Variants in MARCHF1 observed in about 807,000 individuals in gnomAD.
The protein encoded by MARCHF1 is membrane associated ring-CH-type finger 1, also known as E3 ubiquitin-protein ligase MARCHF1.
A neutral mutation model predicts 54.2 loss-of-function variants in MARCHF1; 40 were observed. That is an observed-to-expected ratio of 0.74 (90% CI 0.57 to 0.96). The LOEUF is 0.96. MARCHF1 is among the 40% of genes least tolerant of loss of function. MARCHF1 has a pLI of 0.00. For missense variants in MARCHF1, 586 were observed against 656.5 expected (o/e 0.89, Z 1.17); for synonymous variants, 236 against 236.3 (o/e 1.00, Z 0.01).
At chr4:164,273,195 C>G (rs1272748936) in intron 1 of MARCHF1, among the ~76,000 whole-genome samples, 1 of 151,874 alleles carries the variant, frequency 6.6e-6, no homozygotes, top group Non-Finnish European at 1.5e-5. Flanking sequence ...CTTGGGAGGC[C>G]ACAGGAAATC....
intron 5 of MARCHF1, among the ~76,000 whole-genome samples, chr4:163,657,399 G>T (rs1239204803): frequency 1.3e-5 from 2 of 152,022 alleles, no homozygotes; most frequent in Non-Finnish European, 2.9e-5. Flanking sequence ...ACTGCTCAAG[G>T]AAATAAGAGA....
intron 8 of MARCHF1, among the ~76,000 whole-genome samples, chr4:163,564,039 C>T (rs2110986238): frequency 6.6e-6 from 1 of 152,306 alleles, no homozygotes; most frequent in East Asian, 1.9e-4. Context: ...ATCTTCCCAC[C>T]TAACTACATA....
At chr4:164,296,765 A>C (rs1172063383) in intron 1 of MARCHF1, among the ~76,000 whole-genome samples, 1 of 152,200 alleles carries the variant, frequency 6.6e-6, no homozygotes, top group Non-Finnish European at 1.5e-5. Context: ...CATCACTTGT[A>C]ATATGGTTTC....
At chr4:164,248,224 G>C (rs1371080976) in intron 1 of MARCHF1, among the ~76,000 whole-genome samples, 1 of 151,912 alleles carries the variant, frequency 6.6e-6, no homozygotes, top group African/African-American at 2.4e-5. Context: ...TTCTCGAGCT[G>C]GTTATGTGGT....
chr4:164,166,448 C>A (rs1373842763), intron 1 of MARCHF1, among the ~76,000 whole-genome samples: 3 of 151,944 alleles, frequency 2.0e-5, no homozygotes, highest in South Asian at 2.1e-4. Context: ...AGTGCAGCAT[C>A]CTTTCTTGAT....
intron 4 of MARCHF1, among the ~76,000 whole-genome samples, chr4:163,794,591 G>T (rs752853693): frequency 2.0e-5 from 3 of 151,994 alleles, no homozygotes; most frequent in Non-Finnish European, 4.4e-5. Flanking sequence ...GATGGTGGGG[G>T]GTCACAGGGC....
intron 7 of MARCHF1, among the ~76,000 whole-genome samples, chr4:163,589,258 T>G (rs1237384575): frequency 6.6e-6 from 1 of 152,150 alleles, no homozygotes; most frequent in Admixed American, 6.6e-5. Flanking sequence ...CAAAGTGACC[T>G]GACCAGTTTA....
At chr4:164,360,533 T>C (rs1730694074) in intron 1 of MARCHF1, among the ~76,000 whole-genome samples, 1 of 152,164 alleles carries the variant, frequency 6.6e-6, no homozygotes, top group Admixed American at 6.5e-5. Flanking sequence ...ATTCCAACAG[T>C]GTTTTATGAA....
In MARCHF1 at chr4:164,340,405, T is replaced by TTTTATATATATATATATATATATA. The variant is rs1327005165; in HGVS notation, c.-323+43464_-323+43465insTATATATATATATATATATATAAA. 5.4e-3 allele frequency among the ~76,000 whole-genome samples: 517 copies of TTTTATATATATATATATATATATA among 95,472 alleles called. 57 individuals are homozygous for TTTTATATATATATATATATATATA. Among genetic ancestry groups the TTTTATATATATATATATATATATA allele is most frequent in the Middle Eastern group, 9.6e-3 (2 of 208 alleles). 62.6% of individuals were successfully genotyped at this position (95,472 alleles called of 152,430 possible). On this transcript the variant is annotated intron_variant, in intron 1 of 9. Coordinates refer to ENST00000514618, the MANE Select transcript of MARCHF1 (RefSeq NM_001394959.1). ...ACAGCACATGCCACCAGGCCTTGAT[T>TTTTATATATATATATATATATATA]TATATATAGATATATATATATATAT... is the stretch of plus-strand genomic sequence containing the variant.
chr4:163,841,771 C>A lies in MARCHF1; in HGVS notation c.111+12250G>T, dbSNP rs914655743. ...ATGACAATGTGTCTGTGGAAGCTGA[C>A]AATTCGGTAACTGCAGTGTGAAAAG... On this transcript the variant is annotated intron_variant, in intron 4 of 9. Transcript: ENST00000514618. Among the ~76,000 whole-genome samples, 68 of 152,068 alleles carry A rather than the reference C, an allele frequency of 4.5e-4. 1 individual carries two copies. The highest frequency in any genetic ancestry group is 3.9e-3 in the Admixed American group (60 of 15,242).
intron 8 of MARCHF1, among the ~76,000 whole-genome samples, chr4:163,549,076 T>C (rs2110931220): frequency 6.6e-6 from 1 of 152,234 alleles, no homozygotes; most frequent in East Asian, 1.9e-4. Flanking sequence ...AGGTTGTTCC[T>C]GAGAAGATCC....
intron 3 of MARCHF1, among the ~76,000 whole-genome samples, chr4:163,872,453 A>T (rs776960715): frequency 2.6e-5 from 4 of 152,234 alleles, no homozygotes; most frequent in Non-Finnish European, 2.9e-5. Context: ...CTCATGTGAG[A>T]AATTTGAAAA....
intron 2 of MARCHF1, among the ~76,000 whole-genome samples, chr4:164,107,293 C>T (rs1018825536): frequency 2.0e-5 from 3 of 152,086 alleles, no homozygotes; most frequent in African/African-American, 4.8e-5. Context: ...ACATTAAGCA[C>T]ATATAATGAT....
intron 1 of MARCHF1, among the ~76,000 whole-genome samples, chr4:164,332,561 C>T (rs1249293785): frequency 6.6e-6 from 1 of 152,080 alleles, no homozygotes. Context: ...GGGCAACATT[C>T]GTGAGACAGC....
rs1372019187 is a variant in MARCHF1, at chr4:164,133,328, T to C, written c.-322-21666A>G. ...TTAAAACTGGAGGACATGTCCATTA[T>C]TACTGCGCAATGAATCCATGTACTC... On this transcript the variant is annotated intron_variant, in intron 1 of 9. Coordinates refer to ENST00000514618, the MANE Select transcript of MARCHF1 (RefSeq NM_001394959.1). Among the ~76,000 whole-genome samples the C allele has an allele frequency of 3.3e-5, 5 of 152,204 alleles. 1 individual carries two copies. Among genetic ancestry groups the C allele is most frequent in the Middle Eastern group, 6.3e-3 (2 of 316 alleles).
intron 2 of MARCHF1, among the ~76,000 whole-genome samples, chr4:164,040,015 A>C (rs951592237): frequency 2.9e-4 from 43 of 147,124 alleles, no homozygotes; most frequent in Admixed American, 8.9e-4. Flanking sequence ...TATAATATAT[A>C]TACAAGTATA....
intron 4 of MARCHF1, among the ~76,000 whole-genome samples, chr4:163,787,214 A>G (rs1747646806): frequency 6.6e-6 from 1 of 151,926 alleles, no homozygotes; most frequent in Non-Finnish European, 1.5e-5. Context: ...AACAAAAGAA[A>G]AAAATGGACA....
intron 1 of MARCHF1, among the ~76,000 whole-genome samples, chr4:164,276,380 T>C (rs1461495743): frequency 6.6e-6 from 1 of 152,116 alleles, no homozygotes; most frequent in East Asian, 1.9e-4. Context: ...AATTGTGCTT[T>C]TCCTCAAAGA....
At chr4:164,218,863 A>G (rs922298938) in intron 1 of MARCHF1, among the ~76,000 whole-genome samples, 4 of 152,072 alleles carry the variant, frequency 2.6e-5, no homozygotes, top group African/African-American at 7.2e-5. Flanking sequence ...AAAAAAAAAA[A>G]AAGAAGTAAC....
Sources: allele counts gnomAD v4.1 joint callset (sites outside exome capture counted in the v4.1 genomes callset), GRCh38; gene constraint gnomAD v4.1.1; transcripts MANE v1.5; gene names NCBI Gene and HGNC (gene_info 2026-07-23, HGNC 2026-07-21).